The following NFIL3 variants were observed in gnomAD, a reference collection of about 807,000 sequenced individuals.
NFIL3 encodes the protein nuclear factor interleukin-3-regulated protein.
A neutral mutation model predicts 10.0 loss-of-function variants in NFIL3; 5 were observed. That is an observed-to-expected ratio of 0.50 (90% CI 0.26 to 1.06). NFIL3 has a LOEUF of 1.06. NFIL3 is among the 50% of genes least tolerant of loss of function. NFIL3 has a pLI of 0.13. For missense variants in NFIL3, 436 were observed against 547.6 expected (o/e 0.80, Z 2.03); for synonymous variants, 202 against 206.5 (o/e 0.98, Z 0.19).
intron 1 of NFIL3, among the ~76,000 whole-genome samples, chr9:91,416,162 T>TC (rs1833653269): frequency 6.6e-6 from 1 of 151,086 alleles, no homozygotes; most frequent in Admixed American, 6.6e-5. Context: ...CTTCTTCTTT[T>TC]TTTTTTTTTT....
chr9:91,431,645 T>C, the NFIL3 span, among the ~76,000 whole-genome samples: 4 of 152,148 alleles, frequency 2.6e-5, no homozygotes, highest in African/African-American at 9.7e-5. Flanking sequence ...TTGAACAGTT[T>C]AACCACAGTG....
chr9:91,424,190 G>A (rs1464422362), upstream of NFIL3, among the ~76,000 whole-genome samples: 1 of 151,952 alleles, frequency 6.6e-6, no homozygotes, highest in East Asian at 2.0e-4. Context: ...CCGTCCCACC[G>A]CCCCGTCCGC....
At chr9:91,417,265 T>G (rs903902532) in intron 1 of NFIL3, among the ~76,000 whole-genome samples, 2 of 152,174 alleles carry the variant, frequency 1.3e-5, no homozygotes, top group Admixed American at 6.5e-5. Context: ...TTCTCCCTGT[T>G]ATATAATACA....
the NFIL3 span, among the ~76,000 whole-genome samples, chr9:91,429,375 CAT>C: frequency 6.6e-6 from 1 of 152,198 alleles, no homozygotes; most frequent in South Asian, 2.1e-4. Context: ...GGTTGACTAA[CAT>C]GCCACCAGCA....
At chr9:91,415,166 G>C (rs1169742410) in intron 1 of NFIL3, among the ~76,000 whole-genome samples, 1 of 152,166 alleles carries the variant, frequency 6.6e-6, no homozygotes, top group Non-Finnish European at 1.5e-5. Flanking sequence ...TCAGTCGTGG[G>C]TGGGTGGGAG....
chr9:91,475,248 A>G, the NFIL3 span, among the ~76,000 whole-genome samples: 1,112 of 152,360 alleles, frequency 7.3e-3, 7 homozygotes, highest in Middle Eastern at 0.044. Context: ...TATCCATTCC[A>G]GTACAGACCT....
the NFIL3 span, among the ~76,000 whole-genome samples, chr9:91,446,526 T>G: frequency 6.6e-6 from 1 of 152,242 alleles, no homozygotes; most frequent in East Asian, 1.9e-4. Flanking sequence ...TAATTACATT[T>G]GCAATATGGT....
the NFIL3 span, among the ~76,000 whole-genome samples, chr9:91,435,411 A>G: frequency 6.6e-6 from 1 of 152,212 alleles, no homozygotes; most frequent in Non-Finnish European, 1.5e-5. Context: ...ATTTGCATCC[A>G]GAATACCAGT....
the NFIL3 span, among the ~76,000 whole-genome samples, chr9:91,457,736 G>C: frequency 6.6e-6 from 1 of 152,024 alleles, no homozygotes. Context: ...AACAGGTGGA[G>C]TGAAATCTTT....
chr9:91,440,673 C>T, the NFIL3 span, among the ~76,000 whole-genome samples: 1 of 152,200 alleles, frequency 6.6e-6, no homozygotes, highest in East Asian at 1.9e-4. Flanking sequence ...ACTGCTGCTG[C>T]TGCATCCCAT....
chr9:91,437,347 AAC>A, the NFIL3 span, among the ~76,000 whole-genome samples: 2 of 152,244 alleles, frequency 1.3e-5, no homozygotes, highest in Non-Finnish European at 2.9e-5. Flanking sequence ...ATACATATAT[AAC>A]AAAATTTGCC....
the NFIL3 span, among the ~76,000 whole-genome samples, chr9:91,483,441 A>G: frequency 6.6e-6 from 1 of 152,182 alleles, no homozygotes; most frequent in Non-Finnish European, 1.5e-5. Context: ...TGCAGGAACC[A>G]GGAAAAGTCA....
chr9:91,459,932 G>C, the NFIL3 span, among the ~76,000 whole-genome samples: 1 of 152,132 alleles, frequency 6.6e-6, no homozygotes, highest in African/African-American at 2.4e-5. Context: ...CTGACAAAGA[G>C]CCCTTTTTAT....
the NFIL3 span, among the ~76,000 whole-genome samples, chr9:91,479,836 C>T: frequency 6.6e-6 from 1 of 152,222 alleles, no homozygotes; most frequent in Non-Finnish European, 1.5e-5. Context: ...ATGGGAAAAG[C>T]GTAGTATCTG....
rs575354783 is a variant in NFIL3 at position 91,410,902 on chromosome 9, G to A, written c.-168C>T. 1.7e-5 allele frequency: 10 copies of A among 581,414 alleles called. No homozygotes were observed. The highest frequency in any genetic ancestry group is 3.7e-5 in the Admixed American group (1 of 26,944). 36.0% of individuals were successfully genotyped at this position (581,414 alleles called of 1,614,324 possible). A position where few individuals can be genotyped will look rare whatever the true frequency, so the allele number is the denominator to read the frequency against. ...TATTGAATGAAGTTGGGCCTCCTTC[G>A]TTATCTGCAATACATGAATAAAAAA... On this transcript the variant is annotated 5_prime_UTR_variant, in exon 2 of 2. In the 5' UTR this introduces an upstream ATG that the reference lacks. Transcript: ENST00000297689. The surrounding 1 kb of genome is among the most constrained non-coding windows in gnomAD (Gnocchi z 5.7).
At chr9:91,414,075 C>T (rs944693980) in intron 1 of NFIL3, among the ~76,000 whole-genome samples, 16 of 152,206 alleles carry the variant, frequency 1.1e-4, no homozygotes, top group Non-Finnish European at 1.5e-5. Flanking sequence ...GGTCCTATTT[C>T]TATTTAACTG....
At chr9:91,466,093 G>A in the NFIL3 span, among the ~76,000 whole-genome samples, 1 of 152,080 alleles carries the variant, frequency 6.6e-6, no homozygotes, top group Non-Finnish European at 1.5e-5. Context: ...CTGTGTCTTT[G>A]TGTTGGCTGG....
the NFIL3 span, among the ~76,000 whole-genome samples, chr9:91,475,028 C>A: frequency 6.6e-6 from 1 of 152,184 alleles, no homozygotes; most frequent in Non-Finnish European, 1.5e-5. Flanking sequence ...GACCTACTAG[C>A]CCTAAGCTAA....
the NFIL3 span, among the ~76,000 whole-genome samples, chr9:91,467,765 C>A: frequency 6.6e-6 from 1 of 151,998 alleles, no homozygotes; most frequent in African/African-American, 2.4e-5. Flanking sequence ...CAATTCCCAC[C>A]TATGAGTGAG....
Sources: allele counts gnomAD v4.1 joint callset (sites outside exome capture counted in the v4.1 genomes callset), GRCh38; gene constraint gnomAD v4.1.1; non-coding constraint Gnocchi (gnomAD v3.1); transcripts MANE v1.5; gene names NCBI Gene and HGNC (gene_info 2026-07-23, HGNC 2026-07-21).